GPR149: variants seen among roughly 807,000 people sequenced by gnomAD.
GPR149 encodes the protein G protein-coupled receptor 149.
GPR149 carries 50 observed loss-of-function variants against 50.2 expected under a neutral mutation model. The ratio of observed to expected loss-of-function variants is 1.00; its 90% confidence interval spans 0.79 to 1.26. The LOEUF (loss-of-function observed/expected upper bound fraction) is 1.26. Among genes scored for constraint, GPR149 ranks in the 50% most tolerant of loss-of-function variants. GPR149 has a pLI of 0.00. For missense variants in GPR149, 983 were observed against 895.4 expected (o/e 1.10, Z -1.25); for synonymous variants, 405 against 358.2 (o/e 1.13, Z -1.48).
At chr3:154,346,341 A>T (rs1283896245) in intron 3 of GPR149, among the ~76,000 whole-genome samples, 1 of 152,230 alleles carries the variant, frequency 6.6e-6, no homozygotes. Context: ...CAATATGCAA[A>T]ACTATGTCGT....
chr3:154,402,311 C>G (rs1373325208), intron 3 of GPR149, among the ~76,000 whole-genome samples: 1 of 151,728 alleles, frequency 6.6e-6, no homozygotes, highest in East Asian at 1.9e-4. Context: ...TCAATACTTA[C>G]GAGGCTAAGG....
chr3:154,404,876 G>GCAT (rs1171292638), intron 3 of GPR149, among the ~76,000 whole-genome samples: 3 of 90,790 alleles, frequency 3.3e-5, no homozygotes, highest in Non-Finnish European at 8.0e-5. Flanking sequence ...ATCATCATCA[G>GCAT]CAGCAGCAGC....
At chr3:154,420,348 G>A (rs1045883393) in intron 3 of GPR149, among the ~76,000 whole-genome samples, 1 of 152,080 alleles carries the variant, frequency 6.6e-6, no homozygotes, top group South Asian at 2.1e-4. Context: ...CCATTTCAAT[G>A]AATAAGAAGG....
intron 3 of GPR149, among the ~76,000 whole-genome samples, chr3:154,390,867 GA>G (rs1715152936): frequency 6.6e-6 from 1 of 152,094 alleles, no homozygotes; most frequent in South Asian, 2.1e-4. Context: ...GTTATCAACA[GA>G]TTTATCAGCA....
chr3:154,422,553 G>C (rs1446886678), intron 2 of GPR149, among the ~76,000 whole-genome samples: 3 of 151,672 alleles, frequency 2.0e-5, no homozygotes, highest in African/African-American at 7.2e-5. Flanking sequence ...GAAAAGATAA[G>C]TAAAATTTGA....
chr3:154,359,185 T>C (rs1483643035), intron 3 of GPR149, among the ~76,000 whole-genome samples: 1 of 152,188 alleles, frequency 6.6e-6, no homozygotes, highest in Admixed American at 6.5e-5. Context: ...TAGAAAATAA[T>C]TTGATAAGTT....
chr3:154,427,685 G>A lies in GPR149; in HGVS notation c.1005C>T (p.Val335=). The A allele has an allele frequency of 1.2e-6, 2 of 1,613,070 alleles. No homozygotes were observed. Among genetic ancestry groups the A allele is most frequent in the Non-Finnish European group, 1.7e-6 (2 of 1,179,450 alleles). ...CCAAGGGAAGGCTCTGAAACCCCAC[G>A]ACGTTCTGGACCACCATGTGCATCT... is the stretch of plus-strand genomic sequence containing the variant. ...PMMMHMVVQN[V]VGFQSLPLET... is the part of the protein sequence containing the mutation. The change falls in exon 2 of 4, where the codon GTC becomes GTT. Residue 335 remains valine (V), a synonymous_variant. Transcript: ENST00000389740.
At chr3:154,385,543 C>G (rs1401836808) in intron 3 of GPR149, among the ~76,000 whole-genome samples, 1 of 152,062 alleles carries the variant, frequency 6.6e-6, no homozygotes, top group Non-Finnish European at 1.5e-5. Context: ...AGGCTTTTTA[C>G]CAGCTGTGTG....
At chr3:154,422,804 A>C (rs548376075) in intron 2 of GPR149, among the ~76,000 whole-genome samples, 1 of 151,972 alleles carries the variant, frequency 6.6e-6, no homozygotes, top group African/African-American at 2.4e-5. Flanking sequence ...GACCTTTTCT[A>C]GTAACATAGT....
chr3:154,337,604 C>T lies in GPR149; in HGVS notation c.*95G>A. ...ATTAAATCAGTAAAACTAATGTAAG[C>T]CAACAAATAAAAGGAAATCAGTCTC... On this transcript the variant is annotated 3_prime_UTR_variant, in exon 4 of 4. Transcript: ENST00000389740. The T allele has an allele frequency of 9.8e-7, 1 of 1,021,950 alleles. No individual in the cohort carries two copies. The highest frequency in any genetic ancestry group is 1.4e-6 in the Non-Finnish European group (1 of 708,066). 63.3% of individuals were successfully genotyped at this position (1,021,950 alleles called of 1,614,324 possible). A position where few individuals can be genotyped will look rare whatever the true frequency, so the allele number is the denominator to read the frequency against.
intron 3 of GPR149, among the ~76,000 whole-genome samples, chr3:154,342,944 C>A (rs1171481064): frequency 6.6e-6 from 1 of 152,158 alleles, no homozygotes; most frequent in Non-Finnish European, 1.5e-5. Context: ...TTGTTTATTT[C>A]AGCACTTTTG....
At chr3:154,396,920 T>C (rs1213734510) in intron 3 of GPR149, among the ~76,000 whole-genome samples, 1 of 151,496 alleles carries the variant, frequency 6.6e-6, no homozygotes, top group African/African-American at 2.4e-5. Context: ...TTTTTGTCAT[T>C]GTTGTTGTTG....
intron 3 of GPR149, among the ~76,000 whole-genome samples, chr3:154,399,339 C>G (rs1715366586): frequency 6.6e-6 from 1 of 152,134 alleles, no homozygotes; most frequent in Non-Finnish European, 1.5e-5. Flanking sequence ...TACTGCAACT[C>G]TCATATAAAA....
chr3:154,402,115 C>T (rs1323421008), intron 3 of GPR149, among the ~76,000 whole-genome samples: 1 of 152,070 alleles, frequency 6.6e-6, no homozygotes, highest in Non-Finnish European at 1.5e-5. Flanking sequence ...ATGAGAGATC[C>T]TTGCTACTGC....
chr3:154,341,418 TA>T, intron 3 of GPR149, among the ~76,000 whole-genome samples: 1 of 146,112 alleles, frequency 6.8e-6, no homozygotes, highest in African/African-American at 2.5e-5. Flanking sequence ...AGAAGTAATC[TA>T]AAAAAATTAG....
chr3:154,416,887 G>A (rs1712008025), intron 3 of GPR149, among the ~76,000 whole-genome samples: 1 of 151,880 alleles, frequency 6.6e-6, no homozygotes, highest in South Asian at 2.1e-4. Flanking sequence ...TGATAGGATT[G>A]TAAATAGATT....
intron 3 of GPR149, among the ~76,000 whole-genome samples, chr3:154,342,554 G>A (rs1713820931): frequency 6.6e-6 from 1 of 152,136 alleles, no homozygotes; most frequent in Admixed American, 6.5e-5. Flanking sequence ...GATTAAAGGC[G>A]TACCCCACCA....
At chr3:154,359,091 T>C (rs1256800680) in intron 3 of GPR149, among the ~76,000 whole-genome samples, 2 of 152,206 alleles carry the variant, frequency 1.3e-5, no homozygotes, top group African/African-American at 4.8e-5. Context: ...GTATGCATTA[T>C]TTAAATCAAT....
intron 3 of GPR149, among the ~76,000 whole-genome samples, chr3:154,398,701 C>T (rs1427318379): frequency 6.6e-6 from 1 of 152,082 alleles, no homozygotes; most frequent in Non-Finnish European, 1.5e-5. Context: ...CAACTATTTC[C>T]ATATGTGCTC....
Sources: allele counts gnomAD v4.1 joint callset (sites outside exome capture counted in the v4.1 genomes callset), GRCh38; gene constraint gnomAD v4.1.1; transcripts MANE v1.5; gene names NCBI Gene and HGNC (gene_info 2026-07-23, HGNC 2026-07-21).